Variants in CLGN observed in about 807,000 individuals in gnomAD.
CLGN encodes testis tissue sperm-binding protein Li 79P.
In CLGN, 62 loss-of-function variants were observed where a neutral mutation model predicts 79.1. The ratio of observed to expected loss-of-function variants is 0.78; its 90% CI spans 0.64 to 0.97. CLGN has a LOEUF of 0.97. Ranked by LOEUF, CLGN falls within the 50% of genes least tolerant of loss-of-function variation. The pLI is 0.00. For synonymous variants in CLGN, 225 were observed against 224.7 expected, an observed-to-expected ratio of 1.00 and a Z score of -0.01; for missense variants, 647 against 715.5, an observed-to-expected ratio of 0.90 and a Z score of 1.09.
chr4:140,391,690 C>T (rs149191075), intron 13 of CLGN, among the ~76,000 whole-genome samples: 21 of 151,946 alleles, frequency 1.4e-4, no homozygotes, highest in African/African-American at 4.6e-4. Context: ...AGGGTGACTT[C>T]AGTTCTAACA....
At chr4:140,394,714 T>C (rs1284041316) in intron 10 of CLGN, among the ~76,000 whole-genome samples, 4 of 152,178 alleles carry the variant, frequency 2.6e-5, no homozygotes, top group African/African-American at 2.4e-5. Context: ...ACATTTTGTG[T>C]TAAATGCTTT....
At chr4:140,402,087 C>T (rs1422646977) in intron 5 of CLGN, 21 bp from the exon 6 acceptor site, 1 of 1,242,702 alleles carries the variant, frequency 8.0e-7, no homozygotes, top group Non-Finnish European at 1.1e-6. Context: ...GGAAAAAGAA[C>T]CGTACTACTG....
intron 1 of CLGN, among the ~76,000 whole-genome samples, chr4:140,426,025 G>A (rs559495691): frequency 1.1e-4 from 16 of 152,260 alleles, no homozygotes; most frequent in South Asian, 4.1e-4. Context: ...TTTAATGGCT[G>A]ACTGAGGATC....
chr4:140,397,982 A>G (rs1452709611), intron 8 of CLGN, among the ~76,000 whole-genome samples: 1 of 152,168 alleles, frequency 6.6e-6, no homozygotes, highest in African/African-American at 2.4e-5. Flanking sequence ...TACTAATACA[A>G]TTTTCATCAT....
chr4:140,414,413 G>A lies in CLGN; in HGVS notation c.-9-1326C>T, dbSNP rs532265496. Among the ~76,000 whole-genome samples, 504 of 151,664 alleles carry A rather than the reference G, an allele frequency of 3.3e-3. 2 individuals carry two copies. Among genetic ancestry groups the A allele is most frequent in the African/African-American group, 0.011 (467 of 41,260 alleles). ...GATCAAATTACTCTGAGCTATGGGA[G>A]GACATTCAAACCAAAGGCAAAAAAG... On this transcript the variant is annotated intron_variant, in intron 1 of 14. Transcript: ENST00000325617.
rs905123636 is a variant in CLGN, at chr4:140,419,232, T to C, written c.-9-6145A>G. Among the ~76,000 whole-genome samples the C allele has an allele frequency of 3.0e-4, 45 of 152,068 alleles. 1 individual carries two copies. Among genetic ancestry groups the C allele is most frequent in the Admixed American group, 1.9e-3 (29 of 15,260 alleles). ...GTGGGGGAACGGGGGAGGGATAGCA[T>C]TGGGAGTTATACCTAATGCTAGATA... is the stretch of plus-strand genomic sequence containing the variant. On this transcript the variant is annotated intron_variant, in intron 1 of 14. Transcript: ENST00000325617.
At chr4:140,405,568 A>G (rs1448022679) in intron 5 of CLGN, among the ~76,000 whole-genome samples, 1 of 152,248 alleles carries the variant, frequency 6.6e-6, no homozygotes, top group Non-Finnish European at 1.5e-5. Flanking sequence ...TGTATATATT[A>G]CAGTATATAT....
chr4:140,412,962 A>G lies in CLGN; in HGVS notation c.117T>C (p.Asp39=). Residue 39 remains aspartate (D), a synonymous_variant, in exon 2 of 15, where the codon GAT becomes GAC. Transcript: ENST00000325617. Reference sequence around the variant, plus strand: ...CTGAGGAAAGTTCACTTTCATTAACATCAATTTCTTCTGAATTTTCTTCAA... The same window carrying G: ...CTGAGGAAAGTTCACTTTCATTAACGTCAATTTCTTCTGAATTTTCTTCAA... ...EDFEENSEEI[D]VNESELSSEI... is the part of the protein sequence containing the mutation. 1 of 1,613,462 alleles carries G rather than the reference A, an allele frequency of 6.2e-7. No homozygotes were observed. Among genetic ancestry groups the G allele is most frequent in the Non-Finnish European group, 8.5e-7 (1 of 1,179,658 alleles).
chr4:140,408,202 C>A (rs1187401544), intron 4 of CLGN, among the ~76,000 whole-genome samples: 1 of 151,944 alleles, frequency 6.6e-6, no homozygotes, highest in Non-Finnish European at 1.5e-5. Flanking sequence ...AGACTTAAAC[C>A]TAAGATCTGA....
chr4:140,420,114 C>T (rs10011171), intron 1 of CLGN, among the ~76,000 whole-genome samples: 126,387 of 151,942 alleles, frequency 0.83, 52,645 homozygotes, highest in African/African-American at 0.85. Flanking sequence ...AGGTTCCAAA[C>T]AATTAATTTG....
In CLGN at chr4:140,402,832, G is replaced by A. The variant is rs141112207; in HGVS notation, c.420-766C>T. 2.0e-4 allele frequency among the ~76,000 whole-genome samples: 30 copies of A among 151,804 alleles called. 1 individual carries two copies. The East Asian group carries it at 5.6e-3, about 28-fold the overall frequency. The stretch of plus-strand genomic sequence containing the variant: ...AATTATATGTGACAAAAATCAACAA[G>A]GAAATGGCTGTCAAACAGTAAAAAC... On this transcript the variant is annotated intron_variant, in intron 5 of 14. Coordinates refer to ENST00000325617, the MANE Select transcript of CLGN (RefSeq NM_004362.3).
At chr4:140,392,081 C>T in intron 13 of CLGN, 138 bp downstream of exon 13, 5 of 1,069,132 alleles carry the variant, frequency 4.7e-6, no homozygotes, top group Non-Finnish European at 6.7e-6. Flanking sequence ...TCCTTCTTGC[C>T]ACAGTCACAT....
chr4:140,406,112 TA>T (rs760638396), intron 4 of CLGN, 29 bp from the exon 5 acceptor site: 5 of 1,601,848 alleles, frequency 3.1e-6, no homozygotes, highest in Non-Finnish European at 8.5e-7. Flanking sequence ...CAAATTAAAC[TA>T]AAACAGAAAA....
chr4:140,426,205 T>C (rs1055231881), intron 1 of CLGN, among the ~76,000 whole-genome samples: 7 of 152,180 alleles, frequency 4.6e-5, no homozygotes, highest in African/African-American at 1.7e-4. Flanking sequence ...AGACAAGTGA[T>C]AAAAACTGCT....
At chr4:140,400,062 C>G (rs759393293) in intron 7 of CLGN, among the ~76,000 whole-genome samples, 1 of 152,142 alleles carries the variant, frequency 6.6e-6, no homozygotes, top group Non-Finnish European at 1.5e-5. Flanking sequence ...ACCCTACTGT[C>G]TTCAACATTC....
intron 5 of CLGN, among the ~76,000 whole-genome samples, chr4:140,403,262 C>G (rs1160467849): frequency 1.3e-5 from 2 of 152,156 alleles, no homozygotes; most frequent in Non-Finnish European, 2.9e-5. Flanking sequence ...AGCTCTAAGT[C>G]TCTATTTGCT....
rs1442412700 is a variant in CLGN at position 140,400,347 on chromosome 4, A to G, written c.694+10T>C. On this transcript the variant is annotated intron_variant, in intron 7 of 14. Coordinates refer to ENST00000325617, the MANE Select transcript of CLGN (RefSeq NM_004362.3). Reference sequence around the variant, plus strand: ...ATTTTTGAATACATGAATGAATTAAAAGGGTATACCAAGGGTATAAAGATG... The same window carrying G: ...ATTTTTGAATACATGAATGAATTAAGAGGGTATACCAAGGGTATAAAGATG... The G allele has an allele frequency of 6.4e-7, 1 of 1,562,174 alleles. No individual in the cohort carries two copies. Among genetic ancestry groups the G allele is most frequent in the Non-Finnish European group, 8.7e-7 (1 of 1,147,940 alleles).
At chr4:140,397,860 C>T (rs143254676) in intron 8 of CLGN, among the ~76,000 whole-genome samples, 456 of 152,280 alleles carry the variant, frequency 3.0e-3, no homozygotes, top group Middle Eastern at 0.01. Flanking sequence ...ACTGAGATCA[C>T]GCCATTGCAT....
At chr4:140,394,086 A>T in intron 10 of CLGN, 45 bp from the exon 11 acceptor site, 2 of 1,393,006 alleles carry the variant, frequency 1.4e-6, no homozygotes, top group East Asian at 2.3e-5. Context: ...AAATAACTTC[A>T]TTATAAATGC....
Sources: allele counts gnomAD v4.1 joint callset (sites outside exome capture counted in the v4.1 genomes callset), GRCh38; gene constraint gnomAD v4.1.1; transcripts MANE v1.5; gene names NCBI Gene and HGNC (gene_info 2026-07-23, HGNC 2026-07-21).